CACNA1H: variants seen among roughly 807,000 people sequenced by gnomAD.
CACNA1H encodes the protein voltage-dependent T-type calcium channel subunit alpha-1H.
In CACNA1H, 149 loss-of-function variants were observed where a neutral mutation model predicts 192.5. The ratio of observed to expected loss-of-function variants is 0.77; its 90% confidence interval spans 0.68 to 0.89. The LOEUF (loss-of-function observed/expected upper bound fraction) is 0.89, where lower values mean the gene tolerates loss of function less well. Ranked by LOEUF, CACNA1H falls within the 40% of genes least tolerant of loss-of-function variation. The pLI is 0.00. For missense variants in CACNA1H, 4,257 were observed against 3,423.5 expected, an observed-to-expected ratio of 1.24 and a Z score of -6.08; for synonymous variants, 2,202 against 1,475.2, an observed-to-expected ratio of 1.49 and a Z score of -11.29.
intron 26 of CACNA1H, among the ~76,000 whole-genome samples, chr16:1,213,281 GT>G (rs1368195787): frequency 6.6e-6 from 1 of 152,208 alleles, no homozygotes; most frequent in Non-Finnish European, 1.5e-5. Flanking sequence ...CAGAGATGGA[GT>G]GGGGCTGCCC....
intron 2 of CACNA1H, among the ~76,000 whole-genome samples, chr16:1,169,077 G>A (rs181855067): frequency 1.4e-4 from 21 of 151,608 alleles, no homozygotes; most frequent in Middle Eastern, 3.4e-3. Context: ...GAGATGGAGG[G>A]AGGAAAGGTT....
Position 1,205,179 on chromosome 16 carries a change from G to T in CACNA1H, c.2517G>T (p.Glu839Asp). ...NIVFTSMFAL[E>D]MLLKLLACGP... ...TGTTCACCAGCATGTTTGCCCTGGAGATGCTGCTGAAGCTGCTGGCCTGCG... is the reference window on the plus strand; with the variant it reads ...TGTTCACCAGCATGTTTGCCCTGGATATGCTGCTGAAGCTGCTGGCCTGCG... Residue 839 changes from glutamate to aspartate, a missense_variant, in exon 11 of 35, where the codon GAG becomes GAT. Glu to Asp is a conservative substitution (Grantham distance 45, BLOSUM62 2). Transcript: ENST00000348261. 1 of 1,613,158 alleles carries T rather than the reference G, an allele frequency of 6.2e-7. No individual in the cohort carries two copies. The highest frequency in any genetic ancestry group is 8.5e-7 in the Non-Finnish European group (1 of 1,179,772).
Position 1,154,924 on chromosome 16 carries a change from C to G in CACNA1H, c.299+888C>G, listed in dbSNP as rs369843783. ...CGTGGTGCCTGTGTCAGGGCCGGGTCTCCCCACCGGCCCTTCTGAGCCGGC... is the reference window on the plus strand; with the variant it reads ...CGTGGTGCCTGTGTCAGGGCCGGGTGTCCCCACCGGCCCTTCTGAGCCGGC... On this transcript the variant is annotated intron_variant, in intron 2 of 34. Transcript: ENST00000348261. Among the ~76,000 whole-genome samples the G allele has an allele frequency of 1.1e-4, 17 of 152,266 alleles. No homozygotes were observed. In the East Asian group the frequency reaches 1.6e-3, roughly 14 times the overall value.
At chr16:1,203,312 C>T (rs1047054643) in intron 9 of CACNA1H, among the ~76,000 whole-genome samples, 3 of 152,182 alleles carry the variant, frequency 2.0e-5, no homozygotes, top group African/African-American at 2.4e-5. Context: ...TTGGAGTAAC[C>T]ATGGTTTGCT....
chr16:1,220,386 G>A lies in CACNA1H; in HGVS notation c.6454G>A (p.Glu2152Lys), dbSNP rs761679939. ...GFLDKPGRADEQWRPSAELGS... is the reference protein window; with the variant it reads ...GFLDKPGRADKQWRPSAELGS... Reference sequence around the variant, plus strand: ...CCTGGACAAGCCGGGCCGGGCAGACGAGCAGTGGCGGCCCTCGGCGGAGCT... The same window carrying A: ...CCTGGACAAGCCGGGCCGGGCAGACAAGCAGTGGCGGCCCTCGGCGGAGCT... Residue 2152 changes from glutamate to lysine, a missense_variant, in exon 35 of 35, where the codon GAG becomes AAG. By Grantham distance (56) the Glu-to-Lys change is moderately conservative (BLOSUM62 1). Transcript: ENST00000348261. The A allele has an allele frequency of 6.6e-6, 10 of 1,523,760 alleles. No homozygotes were observed. Among genetic ancestry groups the A allele is most frequent in the African/African-American group, 2.8e-5 (2 of 70,582 alleles). The allele number at this position is 1,523,760 out of a possible 1,614,324, so 94.4% of individuals were successfully genotyped here. A position where few individuals can be genotyped will look rare whatever the true frequency, so the allele number is the denominator to read the frequency against.
intron 2 of CACNA1H, among the ~76,000 whole-genome samples, chr16:1,175,221 C>T (rs1596326590): frequency 6.6e-6 from 1 of 152,178 alleles, no homozygotes; most frequent in Non-Finnish European, 1.5e-5. Flanking sequence ...GGTTAATGTC[C>T]ACAGCCCTTA....
intron 27 of CACNA1H, among the ~76,000 whole-genome samples, chr16:1,214,139 T>G (rs2141369028): frequency 6.6e-6 from 1 of 151,970 alleles, no homozygotes; most frequent in East Asian, 1.9e-4. Flanking sequence ...AACCTGGCCG[T>G]GAGTGTCCCA....
At chr16:1,207,466 G>T (rs1450351441) in intron 14 of CACNA1H, 36 bp downstream of exon 14, 3 of 1,602,540 alleles carry the variant, frequency 1.9e-6, no homozygotes, top group Admixed American at 1.7e-5. Context: ...CAGGAGGAGG[G>T]CGATGAGAAG....
At position 1,211,559 on chromosome 16, in the gene CACNA1H, C is replaced by T. The variant is rs1186473407; in HGVS notation, c.4429C>T (p.His1477Tyr). 2 of 1,611,982 alleles carry T rather than the reference C, an allele frequency of 1.2e-6. No homozygotes were observed. Among genetic ancestry groups the T allele is most frequent in the East Asian group, 2.2e-5 (1 of 44,846 alleles). The part of the protein sequence containing the change: ...ISTKAQCRAA[H>Y]YRWVRRKYNF... ...CACCAAGGCACAGTGCCGGGCCGCCCACTACCGCTGGGTGCGACGCAAGTA... is the reference window on the plus strand; with the variant it reads ...CACCAAGGCACAGTGCCGGGCCGCCTACTACCGCTGGGTGCGACGCAAGTA... The change falls in exon 23 of 35, where the codon CAC becomes TAC. Residue 1477 changes from histidine (H) to tyrosine (Y), a missense_variant. By Grantham distance (83) the His-to-Tyr change is moderately conservative. Coordinates refer to ENST00000348261, the MANE Select transcript of CACNA1H (RefSeq NM_021098.3).
At chr16:1,168,516 G>C (rs1964031374) in intron 2 of CACNA1H, among the ~76,000 whole-genome samples, 1 of 151,998 alleles carries the variant, frequency 6.6e-6, no homozygotes, top group African/African-American at 2.4e-5. Flanking sequence ...GGTCACCCCA[G>C]AGCTGGGGAG....
chr16:1,178,299 C>T (rs1213986676), intron 2 of CACNA1H, among the ~76,000 whole-genome samples: 2 of 144,788 alleles, frequency 1.4e-5, no homozygotes, highest in African/African-American at 5.2e-5. Context: ...TCTGGACCCT[C>T]CCCCACGGCC....
chr16:1,164,402 C>G (rs1267214961), intron 2 of CACNA1H, among the ~76,000 whole-genome samples: 2 of 152,100 alleles, frequency 1.3e-5, no homozygotes, highest in Non-Finnish European at 2.9e-5. Context: ...GTGCAGTCAC[C>G]CCTCACTGCC....
At chr16:1,200,638 C>A in intron 7 of CACNA1H, 67 bp downstream of exon 7, 13 of 1,593,610 alleles carry the variant, frequency 8.2e-6, no homozygotes, top group Non-Finnish European at 1.0e-5. Context: ...GGACTCGCCC[C>A]CCCCAGCCCA....
Position 1,204,264 on chromosome 16 carries a change from G to C in CACNA1H, c.2257G>C (p.Gly753Arg). The C allele has an allele frequency of 1.9e-6, 3 of 1,608,692 alleles. No homozygotes were observed. Among genetic ancestry groups the C allele is most frequent in the Non-Finnish European group, 2.5e-6 (3 of 1,177,854 alleles). ...TRPPRATDTPGPGPGSPQRRA... is the reference protein window; with the variant it reads ...TRPPRATDTPRPGPGSPQRRA... ...ACCACCCCGTGCGACGGACACACCA[G>C]GCCCAGGCCCAGGCAGCCCCCAGCG... Residue 753 changes from glycine to arginine, a missense_variant, in exon 10 of 35, where the codon GGC becomes CGC. Coordinates refer to ENST00000348261, the MANE Select transcript of CACNA1H (RefSeq NM_021098.3).
intron 9 of CACNA1H, among the ~76,000 whole-genome samples, chr16:1,203,401 C>A (rs1030779274): frequency 6.6e-6 from 1 of 152,172 alleles, no homozygotes; most frequent in African/African-American, 2.4e-5. Flanking sequence ...TGTTATATTT[C>A]TGTGGATGGC....
In CACNA1H at chr16:1,208,173, T is replaced by TGGC. The variant is rs779867590; in HGVS notation, c.3316_3318dup (p.Gly1106dup). 1 of 1,561,078 alleles carries TGGC rather than the reference T, an allele frequency of 6.4e-7. No individual in the cohort carries two copies. The highest frequency in any genetic ancestry group is 1.2e-5 in the South Asian group (1 of 84,888). The stretch of plus-strand genomic sequence containing the variant: ...CCCCCAGCCTCCCAGACTCTCGGCG[T>TGGC]GGCAGCAGCAGCTCCGGGGACCCGC... On this transcript the variant is annotated inframe_insertion, in exon 16 of 35. Transcript: ENST00000348261.
rs201660159 is a variant in CACNA1H at position 1,207,376 on chromosome 16, C to T, written c.3009C>T (p.Asn1003=). Residue 1003 remains asparagine, a synonymous_variant, in exon 14 of 35, where the codon AAC becomes AAT. Transcript: ENST00000348261. ...TCGTGGCCCTCATGACCTTCGGCAA[C>T]TATGTGCTCTTCAACCTGCTGGTGG... ...LYFVALMTFG[N]YVLFNLLVAI... 52 of 1,613,162 alleles carry T rather than the reference C, an allele frequency of 3.2e-5. No homozygotes were observed. Among genetic ancestry groups the T allele is most frequent in the Non-Finnish European group, 4.2e-5 (50 of 1,179,826 alleles).
At chr16:1,161,342 GCCCTGTGTTCTCAC>G (rs1433194014) in intron 2 of CACNA1H, among the ~76,000 whole-genome samples, 1 of 152,144 alleles carries the variant, frequency 6.6e-6, no homozygotes, top group Non-Finnish European at 1.5e-5. Flanking sequence ...CCGCCAGGCC[GCCCTGTGTTCTCAC>G]CCCTTCTCCC....
intron 30 of CACNA1H, among the ~76,000 whole-genome samples, chr16:1,216,337 G>A (rs987971574): frequency 2.0e-5 from 3 of 152,264 alleles, no homozygotes; most frequent in African/African-American, 7.2e-5. Flanking sequence ...TCCACCAGGT[G>A]CTCAGCTGTG....
Sources: allele counts gnomAD v4.1 joint callset (sites outside exome capture counted in the v4.1 genomes callset), GRCh38; gene constraint gnomAD v4.1.1; transcripts MANE v1.5; gene names NCBI Gene and HGNC (gene_info 2026-07-23, HGNC 2026-07-21).